The following AGBL4 variants were observed in gnomAD, a reference collection of about 807,000 sequenced individuals.
AGBL4 encodes the protein cytosolic carboxypeptidase 6.
A neutral mutation model predicts 66.4 loss-of-function variants in AGBL4; 58 were observed. That is an observed-to-expected ratio of 0.87 (90% confidence interval 0.71 to 1.09). The LOEUF (loss-of-function observed/expected upper bound fraction) is 1.09, where lower values mean the gene tolerates loss of function less well. Ranked by LOEUF, AGBL4 falls within the 50% of genes least tolerant of loss-of-function variation. The probability of loss-of-function intolerance (pLI) is 0.00; values close to 1 mark genes in which losing one functional copy is unlikely to be tolerated. For synonymous variants in AGBL4, 234 were observed against 222.9 expected (o/e 1.05, Z -0.44); for missense variants, 579 against 631.0 (o/e 0.92, Z 0.88).
At chr1:49,075,560 T>C (rs536420512) in intron 4 of AGBL4, among the ~76,000 whole-genome samples, 32 of 152,166 alleles carry the variant, frequency 2.1e-4, no homozygotes, top group Non-Finnish European at 4.4e-4. Context: ...TGTAAGATTA[T>C]TTTTATGGAG....
intron 2 of AGBL4, among the ~76,000 whole-genome samples, chr1:49,718,844 A>G (rs1648369214): frequency 6.6e-6 from 1 of 152,090 alleles, no homozygotes; most frequent in Non-Finnish European, 1.5e-5. Context: ...TTCTATTTTC[A>G]GAAAGAAAAA....
intron 3 of AGBL4, among the ~76,000 whole-genome samples, chr1:49,339,294 G>A (rs1204292647): frequency 2.0e-5 from 3 of 152,212 alleles, no homozygotes; most frequent in Admixed American, 2.0e-4. Context: ...AAAAGGAAGA[G>A]TGCACTTTAC....
rs368213044 is a variant in AGBL4 at position 48,686,488 on chromosome 1, C to T, written c.635-23247G>A. On this transcript the variant is annotated intron_variant, in intron 6 of 13. Transcript: ENST00000371839. ...ACCCATTATATCGTTCAGCACACAG[C>T]GCAATGCTTTGAACATAGAAAGTGT... Among the ~76,000 whole-genome samples the T allele has an allele frequency of 1.4e-3, 208 of 152,180 alleles. 3 individuals carry two copies. The South Asian group carries it at 0.037, about 27-fold the overall frequency.
chr1:48,971,421 A>T (rs967223565), intron 5 of AGBL4, among the ~76,000 whole-genome samples: 1 of 152,102 alleles, frequency 6.6e-6, no homozygotes, highest in South Asian at 2.1e-4. Context: ...CCTGGTGCCA[A>T]AAAGGTTGGG....
downstream of AGBL4, among the ~76,000 whole-genome samples, chr1:48,532,672 T>C (rs1643912851): frequency 6.6e-6 from 1 of 152,198 alleles, no homozygotes; most frequent in Non-Finnish European, 1.5e-5. Flanking sequence ...TCAATTAAAC[T>C]CCCCAGGACT....
At chr1:49,200,480 T>C (rs1013978407) in intron 4 of AGBL4, among the ~76,000 whole-genome samples, 2 of 152,142 alleles carry the variant, frequency 1.3e-5, no homozygotes, top group South Asian at 4.1e-4. Context: ...ATCCCACAGG[T>C]TGAGGGCTCA....
intron 6 of AGBL4, among the ~76,000 whole-genome samples, chr1:48,731,235 G>T (rs955531061): frequency 4.6e-5 from 7 of 151,974 alleles, no homozygotes; most frequent in Non-Finnish European, 8.8e-5. Context: ...GTTATATTGT[G>T]GGATAGGAGA....
intron 3 of AGBL4, among the ~76,000 whole-genome samples, chr1:49,486,039 T>C (rs1442093085): frequency 6.6e-6 from 1 of 151,984 alleles, no homozygotes; most frequent in East Asian, 1.9e-4. Context: ...TACCCTGATG[T>C]GAAGATGCTA....
intron 3 of AGBL4, among the ~76,000 whole-genome samples, chr1:49,408,179 G>C (rs887503455): frequency 6.6e-6 from 1 of 152,128 alleles, no homozygotes; most frequent in African/African-American, 2.4e-5. Context: ...CTAGACCCCA[G>C]AGACTCTAGA....
chr1:49,883,457 A>C (rs1647647999), intron 1 of AGBL4, among the ~76,000 whole-genome samples: 1 of 151,984 alleles, frequency 6.6e-6, no homozygotes, highest in Non-Finnish European at 1.5e-5. Context: ...ATTACTTTTT[A>C]ATTATGTGTA....
chr1:49,938,093 C>T (rs746182693), intron 1 of AGBL4, among the ~76,000 whole-genome samples: 27 of 149,016 alleles, frequency 1.8e-4, no homozygotes, highest in Admixed American at 4.0e-4. Context: ...AGTGATAGAC[C>T]GCTAGCAAGA....
At chr1:48,789,374 C>T (rs1197607606) in intron 6 of AGBL4, among the ~76,000 whole-genome samples, 5 of 151,876 alleles carry the variant, frequency 3.3e-5, no homozygotes, top group Admixed American at 2.0e-4. Flanking sequence ...CTGCAAGCTC[C>T]GCCTCCTGGG....
intron 3 of AGBL4, among the ~76,000 whole-genome samples, chr1:49,324,519 C>T (rs538082523): frequency 5.1e-4 from 77 of 152,322 alleles, no homozygotes; most frequent in Non-Finnish European, 6.5e-4. Flanking sequence ...TTACTTTCCT[C>T]CTGGCACCAA....
At chr1:49,197,495 G>A (rs779662448) in intron 4 of AGBL4, among the ~76,000 whole-genome samples, 4 of 152,108 alleles carry the variant, frequency 2.6e-5, no homozygotes, top group African/African-American at 7.2e-5. Flanking sequence ...CTAAATCCCC[G>A]TTAACCAGGA....
downstream of AGBL4, among the ~76,000 whole-genome samples, chr1:48,530,523 T>G (rs1010295504): frequency 6.6e-5 from 10 of 152,124 alleles, no homozygotes; most frequent in East Asian, 9.6e-4. Flanking sequence ...CCGCCCCGCC[T>G]CCATTTAAAA....
At chr1:49,601,913 G>C (rs535394372) in intron 3 of AGBL4, among the ~76,000 whole-genome samples, 1 of 152,182 alleles carries the variant, frequency 6.6e-6, no homozygotes, top group East Asian at 1.9e-4. Flanking sequence ...GAGTGAACAG[G>C]CAACCTACAG....
In AGBL4 at chr1:49,948,004, A is replaced by ATATT. The variant is rs1399972840; in HGVS notation, c.34+75758_34+75759insAATA. 9.1e-3 allele frequency among the ~76,000 whole-genome samples: 278 copies of ATATT among 30,500 alleles called. 1 individual carries two copies. The highest frequency in any genetic ancestry group is 0.011 in the Non-Finnish European group (170 of 15,364). 20.0% of individuals were successfully genotyped at this position (30,500 alleles called of 152,430 possible). A position where few individuals can be genotyped will look rare whatever the true frequency, so the allele number is the denominator to read the frequency against. ...AATATATATTTATATATATAAATAT[A>ATATT]TATAAATATATAAATATATATAAAT... On this transcript the variant is annotated intron_variant, in intron 1 of 13. Coordinates refer to ENST00000371839, the MANE Select transcript of AGBL4 (RefSeq NM_032785.4).
chr1:49,148,572 T>C (rs1254795922), intron 4 of AGBL4, among the ~76,000 whole-genome samples: 2 of 152,192 alleles, frequency 1.3e-5, no homozygotes, highest in Admixed American at 1.3e-4. Flanking sequence ...AAAATGTCTA[T>C]GTCCTTCTTT....
the AGBL4 span, among the ~76,000 whole-genome samples, chr1:48,522,893 T>TGGA: frequency 6.8e-6 from 1 of 146,920 alleles, no homozygotes; most frequent in Admixed American, 6.9e-5. Flanking sequence ...GCCACTGCGC[T>TGGA]CCAGCCTGGG....
Sources: gnomAD v4.1 joint callset for allele counts (sites outside exome capture counted in the v4.1 genomes callset) on GRCh38, gnomAD v4.1.1 for gene constraint, MANE v1.5 for transcripts, NCBI Gene and HGNC (gene_info 2026-07-23, HGNC 2026-07-21) for gene names.